BCKDHB: variants seen among roughly 807,000 people sequenced by gnomAD.
BCKDHB encodes the protein branched chain keto acid dehydrogenase E1 subunit beta, also known as 2-oxoisovalerate dehydrogenase subunit beta, mitochondrial.
BCKDHB carries 41 observed loss-of-function variants against 48.5 expected under a neutral mutation model. The ratio of observed to expected loss-of-function variants is 0.85; its 90% CI spans 0.66 to 1.10. BCKDHB has a LOEUF of 1.10. Ranked by LOEUF, BCKDHB falls within the 50% of genes least tolerant of loss-of-function variation. BCKDHB has a pLI of 0.00. For synonymous variants in BCKDHB, 201 were observed against 174.8 expected, an observed-to-expected ratio of 1.15 and a Z score of -1.18; for missense variants, 496 against 494.2, an observed-to-expected ratio of 1.00 and a Z score of -0.03.
intron 8 of BCKDHB, among the ~76,000 whole-genome samples, chr6:80,206,670 G>T (rs1774680106): frequency 6.6e-6 from 1 of 151,944 alleles, no homozygotes; most frequent in Non-Finnish European, 1.5e-5. Flanking sequence ...ATCGGACTCA[G>T]TAGATGATAG....
At chr6:80,377,050 T>C in the BCKDHB span, among the ~76,000 whole-genome samples, 1 of 151,422 alleles carries the variant, frequency 6.6e-6, no homozygotes, top group South Asian at 2.1e-4. Context: ...ATTTTTTTTT[T>C]TTTTTTTTGA....
At chr6:80,456,778 G>A in the BCKDHB span, among the ~76,000 whole-genome samples, 1 of 152,078 alleles carries the variant, frequency 6.6e-6, no homozygotes, top group Non-Finnish European at 1.5e-5. Flanking sequence ...GCTCCTTGAG[G>A]GATTCTTATG....
At chr6:80,259,600 C>G (rs1390349080) in intron 8 of BCKDHB, among the ~76,000 whole-genome samples, 1 of 152,094 alleles carries the variant, frequency 6.6e-6, no homozygotes, top group Non-Finnish European at 1.5e-5. Context: ...TTCTTTGAGA[C>G]AGATTTATAA....
chr6:80,107,316 A>T (rs899921518), intron 1 of BCKDHB, among the ~76,000 whole-genome samples: 5 of 146,156 alleles, frequency 3.4e-5, no homozygotes, highest in East Asian at 2.0e-4. Flanking sequence ...ATATATATAT[A>T]TTTTAAATGT....
intron 8 of BCKDHB, among the ~76,000 whole-genome samples, chr6:80,266,909 G>A (rs1198534400): frequency 6.6e-6 from 1 of 151,884 alleles, no homozygotes; most frequent in African/African-American, 2.4e-5. Flanking sequence ...TTCTAGTTAG[G>A]TACAGAATAT....
At chr6:80,439,559 A>C in the BCKDHB span, among the ~76,000 whole-genome samples, 2 of 152,234 alleles carry the variant, frequency 1.3e-5, no homozygotes, top group African/African-American at 4.8e-5. Flanking sequence ...CGAAGTTCCC[A>C]AGATACCTCA....
At chr6:80,418,544 G>T in the BCKDHB span, among the ~76,000 whole-genome samples, 2 of 152,296 alleles carry the variant, frequency 1.3e-5, no homozygotes, top group African/African-American at 2.4e-5. Flanking sequence ...GTTTTTGGAA[G>T]AATTTAGGGA....
the BCKDHB span, among the ~76,000 whole-genome samples, chr6:80,440,492 G>T: frequency 6.6e-6 from 1 of 152,016 alleles, no homozygotes; most frequent in Non-Finnish European, 1.5e-5. Flanking sequence ...TAGAGAAGTT[G>T]TTCATACCTC....
At chr6:80,439,128 A>T in the BCKDHB span, among the ~76,000 whole-genome samples, 1 of 152,182 alleles carries the variant, frequency 6.6e-6, no homozygotes, top group East Asian at 1.9e-4. Context: ...CAGACACATC[A>T]CTTCTGCTCA....
intron 9 of BCKDHB, among the ~76,000 whole-genome samples, chr6:80,278,591 G>C (rs545082574): frequency 7.9e-5 from 12 of 151,460 alleles, no homozygotes; most frequent in African/African-American, 2.9e-4. Flanking sequence ...AGGGAGTCTC[G>C]CTCTGTCGCC....
intron 8 of BCKDHB, among the ~76,000 whole-genome samples, chr6:80,233,747 T>C (rs889745339): frequency 1.3e-5 from 2 of 152,194 alleles, no homozygotes; most frequent in African/African-American, 4.8e-5. Context: ...TCTTTCACGA[T>C]CATCTACATA....
At chr6:80,132,054 CT>C (rs947369957) in intron 3 of BCKDHB, among the ~76,000 whole-genome samples, 1 of 151,866 alleles carries the variant, frequency 6.6e-6, no homozygotes, top group Non-Finnish European at 1.5e-5. Context: ...GGAACTTGAG[CT>C]TTTTAAAATT....
Position 80,344,753 on chromosome 6 carries a change from A to G in BCKDHB, c.*949A>G, listed in dbSNP as rs181883307. The G allele has an allele frequency of 6.6e-6, 1 of 152,300 alleles. No individual in the cohort carries two copies. Among genetic ancestry groups the G allele is most frequent in the East Asian group, 1.9e-4 (1 of 5,182 alleles). The allele number at this position is 152,300 out of a possible 1,614,324, so 9.4% of individuals were successfully genotyped here. ...GGTTTAGATTGCAAGTGTACTTTAT[A>G]CCATTGTTTCAACTTCAACCTTTAT... is the stretch of plus-strand genomic sequence containing the variant. On this transcript the variant is annotated 3_prime_UTR_variant, in exon 10 of 10. Transcript: ENST00000320393.
rs563669126 is a variant in BCKDHB at position 80,242,490 on chromosome 6, A to G, written c.952-30645A>G. 3.3e-5 allele frequency among the ~76,000 whole-genome samples: 5 copies of G among 152,208 alleles called. No individual in the cohort carries two copies. The South Asian group carries it at 8.3e-4, about 25-fold the overall frequency. On this transcript the variant is annotated intron_variant, in intron 8 of 9. Transcript: ENST00000320393. The stretch of plus-strand genomic sequence containing the variant: ...GGGGTGGGAGCAGGGAGGAGAGGTG[A>G]TATTTTTAGTCCTTTTATTTTCTTT...
the BCKDHB span, among the ~76,000 whole-genome samples, chr6:80,423,655 G>A: frequency 0.016 from 2,474 of 152,210 alleles, 64 homozygotes; most frequent in African/African-American, 0.057. Flanking sequence ...GGTTGATTTT[G>A]TAGAATATAT....
At chr6:80,388,590 C>T in the BCKDHB span, among the ~76,000 whole-genome samples, 1 of 152,122 alleles carries the variant, frequency 6.6e-6, no homozygotes. Context: ...GTAGTATATA[C>T]GTGGCTGGGG....
At chr6:80,161,184 A>G (rs1356756663) in intron 3 of BCKDHB, among the ~76,000 whole-genome samples, 3 of 152,168 alleles carry the variant, frequency 2.0e-5, no homozygotes, top group Non-Finnish European at 2.9e-5. Context: ...TTACTGTGTC[A>G]TTATAGACCC....
chr6:80,133,500 G>A (rs1770733754), intron 3 of BCKDHB, among the ~76,000 whole-genome samples: 1 of 152,176 alleles, frequency 6.6e-6, no homozygotes, highest in Non-Finnish European at 1.5e-5. Flanking sequence ...CCAAATGGCA[G>A]CTTTAACCAC....
At chr6:80,448,596 C>T in the BCKDHB span, among the ~76,000 whole-genome samples, 1 of 152,060 alleles carries the variant, frequency 6.6e-6, no homozygotes. Context: ...GGATAATTCA[C>T]AGATAATTTT....
Sources: gnomAD v4.1 joint callset for allele counts (sites outside exome capture counted in the v4.1 genomes callset) on GRCh38, gnomAD v4.1.1 for gene constraint, MANE v1.5 for transcripts, NCBI Gene and HGNC (gene_info 2026-07-23, HGNC 2026-07-21) for gene names.